The following SPATA22 variants were observed in gnomAD, a reference collection of about 807,000 sequenced individuals.
SPATA22 encodes spermatogenesis-associated protein 22.
SPATA22 carries 29 observed loss-of-function variants against 47.8 expected under a neutral mutation model. The observed-to-expected ratio is 0.61, with a 90% CI of 0.45 to 0.83. SPATA22 has a LOEUF of 0.83. Among genes scored for constraint, SPATA22 ranks in the 40% least tolerant of loss-of-function variants. SPATA22 has a pLI of 0.00. For missense variants in SPATA22, 410 were observed against 421.7 expected (o/e 0.97, Z 0.24); for synonymous variants, 133 against 140.9 (o/e 0.94, Z 0.40).
At chr17:3,487,734 C>T (rs533304573) in intron 1 of SPATA22, among the ~76,000 whole-genome samples, 3 of 152,260 alleles carry the variant, frequency 2.0e-5, no homozygotes, top group African/African-American at 7.2e-5. Flanking sequence ...TTGACTTAAA[C>T]TATTCAACAT....
At chr17:3,443,726 A>C (rs1209388770) in intron 7 of SPATA22, among the ~76,000 whole-genome samples, 2 of 152,004 alleles carry the variant, frequency 1.3e-5, no homozygotes, top group African/African-American at 4.8e-5. Context: ...CTTTGAGCAA[A>C]CTGGGTATTA....
In SPATA22 at chr17:3,446,585, T is replaced by A. The variant is rs981926212; in HGVS notation, c.689A>T (p.Gln230Leu). The part of the protein sequence containing the change: ...DNTLKETSLY[Q>L]LQFKEKASSL... ...ACTAGCTTTTTCCTTAAACTGTAAC[T>A]GATACAATGAGGTTTCCTTTTGAAA... The change falls in exon 7 of 9, where the codon CAG becomes CTG. Residue 230 changes from glutamine to leucine, a missense_variant. Gln to Leu is a moderately radical substitution (Grantham distance 113). Transcript: ENST00000572969. 5.1e-6 allele frequency: 8 copies of A among 1,564,630 alleles called. No homozygotes were observed. The South Asian group carries it at 9.5e-5, about 19-fold the overall frequency.
intron 8 of SPATA22, among the ~76,000 whole-genome samples, chr17:3,442,170 T>G (rs2072612416): frequency 6.6e-6 from 1 of 152,006 alleles, no homozygotes; most frequent in Non-Finnish European, 1.5e-5. Context: ...TTTAAAAAAC[T>G]TCAGACTAGA....
At chr17:3,452,999 G>A (rs36005564) in intron 5 of SPATA22, among the ~76,000 whole-genome samples, 35,643 of 152,054 alleles carry the variant, frequency 0.23, 4,459 homozygotes, top group East Asian at 0.42. Context: ...CATAAAACAA[G>A]AGGGAATTCC....
At chr17:3,491,756 A>G (rs2073829609) in intron 1 of SPATA22, among the ~76,000 whole-genome samples, 2 of 149,764 alleles carry the variant, frequency 1.3e-5, no homozygotes, top group Non-Finnish European at 3.0e-5. Context: ...AAAAAAAAAA[A>G]AGAAAGAAAG....
intron 2 of SPATA22, chr17:3,468,954 T>C (rs1003658157): frequency 5.9e-6 from 3 of 512,312 alleles, no homozygotes; most frequent in Non-Finnish European, 7.7e-6. Context: ...ACAGAAGTGC[T>C]TCCGGAAATA....
chr17:3,478,172 G>A (rs906341466), intron 1 of SPATA22, among the ~76,000 whole-genome samples: 7 of 151,610 alleles, frequency 4.6e-5, no homozygotes, highest in South Asian at 2.1e-4. Flanking sequence ...GTGACAGAGC[G>A]AGACTCCGTC....
chr17:3,440,463 CAG>C, intron 8 of SPATA22, 125 bp from the exon 9 acceptor site: 1 of 703,072 alleles, frequency 1.4e-6, no homozygotes, highest in African/African-American at 1.8e-5. Flanking sequence ...TCACGTGAGT[CAG>C]GGCCCCACTG....
chr17:3,510,748 ACGGCTTAC>A (rs1393615157), intron 1 of SPATA22: 3 of 152,220 alleles, frequency 2.0e-5, no homozygotes. Flanking sequence ...GAAATCAAGT[ACGGCTTAC>A]AGGCCCGGAT....
At chr17:3,465,761 C>T (rs1051547277) in intron 3 of SPATA22, among the ~76,000 whole-genome samples, 1 of 144,042 alleles carries the variant, frequency 6.9e-6, no homozygotes, top group African/African-American at 2.5e-5. Context: ...GTGAGAAACA[C>T]CCAAGAATGA....
chr17:3,498,868 T>G lies in SPATA22; in HGVS notation c.-74+14544A>C, dbSNP rs368363489. On this transcript the variant is annotated intron_variant, in intron 1 of 8. Coordinates refer to the SPATA22 transcript ENST00000541913. ...AGGAGAAAAACCAAATATAATATAT[T>G]TATTTTGATTGTTTCCTGAGAGGAT... 52 of 1,503,120 alleles carry G rather than the reference T, an allele frequency of 3.5e-5. 1 individual carries two copies. In the Middle Eastern group the frequency reaches 7.1e-4, roughly 20 times the overall value. 93.1% of individuals were successfully genotyped at this position (1,503,120 alleles called of 1,614,324 possible). A position where few individuals can be genotyped will look rare whatever the true frequency, so the allele number is the denominator to read the frequency against.
At chr17:3,508,368 A>C (rs1348137520) in intron 1 of SPATA22, among the ~76,000 whole-genome samples, 1 of 151,780 alleles carries the variant, frequency 6.6e-6, no homozygotes, top group African/African-American at 2.4e-5. Context: ...TAGAACTAGA[A>C]ATACCATTTG....
intron 1 of SPATA22, among the ~76,000 whole-genome samples, chr17:3,469,720 G>A (rs2073385388): frequency 2.6e-5 from 4 of 152,166 alleles, no homozygotes; most frequent in South Asian, 2.1e-4. Flanking sequence ...GGACCACAGC[G>A]TTGGCAAACG....
At chr17:3,452,274 T>A (rs934394318) in intron 5 of SPATA22, among the ~76,000 whole-genome samples, 4 of 136,720 alleles carry the variant, frequency 2.9e-5, no homozygotes, top group Non-Finnish European at 6.4e-5. Flanking sequence ...TAGAAATAAA[T>A]AAAATAGAGA....
intron 5 of SPATA22, among the ~76,000 whole-genome samples, chr17:3,461,160 T>C (rs73977730): frequency 6.6e-6 from 1 of 152,212 alleles, no homozygotes; most frequent in African/African-American, 2.4e-5. Context: ...GGTATAAGTA[T>C]GTCCCAAATA....
chr17:3,483,312 TA>T (rs1231851541), intron 1 of SPATA22, among the ~76,000 whole-genome samples: 1 of 152,236 alleles, frequency 6.6e-6, no homozygotes, highest in African/African-American at 2.4e-5. Context: ...ATGAATTTCA[TA>T]TTGTATAATT....
chr17:3,470,184 A>G (rs2073396709), intron 1 of SPATA22, among the ~76,000 whole-genome samples: 1 of 152,006 alleles, frequency 6.6e-6, no homozygotes, highest in African/African-American at 2.4e-5. Flanking sequence ...CACAACTTCA[A>G]CAAGTGAAAC....
chr17:3,453,900 T>C (rs1158967066), intron 5 of SPATA22, among the ~76,000 whole-genome samples: 1 of 151,822 alleles, frequency 6.6e-6, no homozygotes, highest in Non-Finnish European at 1.5e-5. Context: ...GAAAAGGAAA[T>C]AAAAGGAGCG....
intron 1 of SPATA22, among the ~76,000 whole-genome samples, chr17:3,486,306 TC>T (rs1165698766): frequency 1.4e-4 from 21 of 152,232 alleles, no homozygotes; most frequent in Admixed American, 1.2e-3. Flanking sequence ...ATTCCTAACT[TC>T]CAAGGCTGTT....
Sources: gnomAD v4.1 joint callset for allele counts (sites outside exome capture counted in the v4.1 genomes callset) on GRCh38, gnomAD v4.1.1 for gene constraint, MANE v1.5 for transcripts, NCBI Gene and HGNC (gene_info 2026-07-23, HGNC 2026-07-21) for gene names.